The following ACSL4 variants were observed in gnomAD, a reference collection of about 807,000 sequenced individuals.
The protein encoded by ACSL4 is long-chain-fatty-acid--CoA ligase 4.
Under a neutral mutation model 49.1 loss-of-function variants are expected in ACSL4, and 9 were observed. That is an observed-to-expected ratio of 0.18 (90% CI 0.11 to 0.32). ACSL4 has a LOEUF of 0.32. Ranked by LOEUF, ACSL4 falls within the 10% of genes least tolerant of loss-of-function variation. ACSL4 has a pLI of 1.00. For synonymous variants in ACSL4, 191 were observed against 170.3 expected, an observed-to-expected ratio of 1.12 and a Z score of -0.95; for missense variants, 333 against 493.7, an observed-to-expected ratio of 0.67 and a Z score of 3.08.
intron 15 of ACSL4, among the ~76,000 whole-genome samples, chrX:109,650,188 G>A (rs1224758033): frequency 5.1e-4 from 57 of 111,441 alleles, no homozygotes; most frequent in African/African-American, 1.7e-3. Flanking sequence ...TATATACCCA[G>A]AGGACTATAA....
rs1407013634 is a variant in ACSL4 at position 109,670,500 on chromosome X, G to C, written c.1003-1327C>G. ...CTAGGGAGGCTGAGGCAGGAGAATC[G>C]CTTGAACCCGGGAGGTGGAGGTTGC... On this transcript the variant is annotated intron_variant, in intron 9 of 15. Coordinates refer to ENST00000672401, the MANE Select transcript of ACSL4 (RefSeq NM_001318510.2). 3.7e-5 allele frequency among the ~76,000 whole-genome samples: 4 copies of C among 106,996 alleles called. No individual in the cohort carries two copies. In the South Asian group the frequency reaches 1.7e-3, roughly 46 times the overall value. 92.9% of individuals were successfully genotyped at this position (106,996 alleles called of 115,157 possible). A position where few individuals can be genotyped will look rare whatever the true frequency, so the allele number is the denominator to read the frequency against.
intron 2 of ACSL4, chrX:109,683,690 A>C: frequency 7.9e-6 from 3 of 381,782 alleles, no homozygotes; most frequent in Non-Finnish European, 9.0e-6. Flanking sequence ...CAATGAACCA[A>C]GCAGAGAGCA....
At chrX:109,686,035 G>A (rs1302323938) in intron 2 of ACSL4, among the ~76,000 whole-genome samples, 1 of 111,355 alleles carries the variant, frequency 9.0e-6, no homozygotes, top group Non-Finnish European at 1.9e-5. Context: ...GACAAGTCTG[G>A]TCATTCATTT....
At chrX:109,683,664 C>T (rs763809109) in intron 2 of ACSL4, 5 of 421,996 alleles carry the variant, frequency 1.2e-5, no homozygotes, top group East Asian at 1.1e-4. Context: ...CAATAAAGTA[C>T]GCCTGTAGGT....
chrX:109,660,176 A>T (rs1350027103), intron 14 of ACSL4, among the ~76,000 whole-genome samples: 1 of 110,475 alleles, frequency 9.1e-6, no homozygotes. Context: ...GAAAAAAAAA[A>T]TTTGCAAATC....
At chrX:109,661,690 T>C (rs1255981755) in intron 13 of ACSL4, 45 bp from the exon 14 acceptor site, 3 of 856,038 alleles carry the variant, frequency 3.5e-6, no homozygotes, top group African/African-American at 2.0e-5. Flanking sequence ...CTAAGGTATA[T>C]GCAATTCTGA....
chrX:109,727,510 G>A (rs181127940), intron 1 of ACSL4, among the ~76,000 whole-genome samples: 2 of 111,687 alleles, frequency 1.8e-5, no homozygotes, highest in South Asian at 3.7e-4. Flanking sequence ...AAAATCAACC[G>A]TCTCAACTCT....
chrX:109,710,002 G>A (rs1490513921), intron 1 of ACSL4, among the ~76,000 whole-genome samples: 1 of 111,849 alleles, frequency 8.9e-6, no homozygotes, highest in African/African-American at 3.3e-5. Context: ...CTACTCAGGA[G>A]GCTGAGGCAG....
intron 9 of ACSL4, among the ~76,000 whole-genome samples, chrX:109,670,760 G>C (rs1295491883): frequency 9.0e-6 from 1 of 111,500 alleles, no homozygotes; most frequent in Non-Finnish European, 1.9e-5. Flanking sequence ...CGAGTGCCTG[G>C]GATTGCAGGC....
At chrX:109,725,898 T>C (rs982068237) in intron 1 of ACSL4, among the ~76,000 whole-genome samples, 3 of 111,528 alleles carry the variant, frequency 2.7e-5, no homozygotes, top group Non-Finnish European at 5.6e-5. Context: ...TTCATCATAA[T>C]GAATCTAATG....
intron 15 of ACSL4, among the ~76,000 whole-genome samples, chrX:109,656,785 G>A (rs1424110224): frequency 9.3e-6 from 1 of 107,648 alleles, no homozygotes; most frequent in Non-Finnish European, 1.9e-5. Context: ...GGAATCCCTC[G>A]TTGGGAAAAA....
intron 15 of ACSL4, among the ~76,000 whole-genome samples, chrX:109,652,237 T>C (rs1921207502): frequency 8.9e-6 from 1 of 112,169 alleles, no homozygotes; most frequent in Non-Finnish European, 1.9e-5. Context: ...ATTTCACACT[T>C]TTTTGCATAA....
chrX:109,643,996 C>A lies in ACSL4; in HGVS notation c.*33G>T. ...TAGAGGTTGAAAACCACCAGGCTAC[C>A]TCCTGCACAACTGTCAATAAGACAA... On this transcript the variant is annotated 3_prime_UTR_variant, in exon 16 of 16. Transcript: ENST00000672401. 4.1e-6 allele frequency: 5 copies of A among 1,207,153 alleles called. No homozygotes were observed. The highest frequency in any genetic ancestry group is 5.6e-6 in the Non-Finnish European group (5 of 891,517).
chrX:109,675,512 G>A (rs910991733), intron 8 of ACSL4, among the ~76,000 whole-genome samples: 1 of 111,605 alleles, frequency 9.0e-6, no homozygotes, highest in Non-Finnish European at 1.9e-5. Context: ...AAAAGTAGGT[G>A]TGAATTTTAC....
rs569103156 is a variant in ACSL4 at position 109,681,394 on chromosome X, C to T, written c.407-19G>A. Reference sequence around the variant, plus strand: ...GTCACAACTACATAATAAAAATAAACACAAATATTAAGTAATAAACATCTA... The same window carrying T: ...GTCACAACTACATAATAAAAATAAATACAAATATTAAGTAATAAACATCTA... On this transcript the variant is annotated intron_variant, in intron 4 of 15. Coordinates refer to ENST00000672401, the MANE Select transcript of ACSL4 (RefSeq NM_001318510.2). 3 of 1,067,353 alleles carry T rather than the reference C, an allele frequency of 2.8e-6. No homozygotes were observed. The highest frequency in any genetic ancestry group is 3.9e-6 in the Non-Finnish European group (3 of 767,948). 88.0% of individuals were successfully genotyped at this position (1,067,353 alleles called of 1,213,427 possible).
At chrX:109,665,068 T>C (rs935646197) in intron 12 of ACSL4, among the ~76,000 whole-genome samples, 1 of 111,434 alleles carries the variant, frequency 9.0e-6, no homozygotes, top group African/African-American at 3.3e-5. Flanking sequence ...GTGCAACCCA[T>C]CATTCTATCC....
intron 15 of ACSL4, among the ~76,000 whole-genome samples, chrX:109,658,855 G>A (rs1053053790): frequency 8.9e-6 from 1 of 111,774 alleles, no homozygotes; most frequent in Non-Finnish European, 1.9e-5. Flanking sequence ...AACTACATGA[G>A]AGCAAGAAAT....
chrX:109,725,635 C>A (rs895031189), intron 1 of ACSL4, among the ~76,000 whole-genome samples: 2 of 109,962 alleles, frequency 1.8e-5, no homozygotes, highest in African/African-American at 6.6e-5. Flanking sequence ...TGGTGGAGGG[C>A]GCCTGTAGTC....
intron 1 of ACSL4, among the ~76,000 whole-genome samples, chrX:109,716,482 C>G (rs1927128682): frequency 9.0e-6 from 1 of 111,721 alleles, no homozygotes; most frequent in South Asian, 3.7e-4. Context: ...AAGAAAAATG[C>G]AGAGTTGAAA....
Sources: gnomAD v4.1 joint callset for allele counts (sites outside exome capture counted in the v4.1 genomes callset) on GRCh38, gnomAD v4.1.1 for gene constraint, MANE v1.5 for transcripts, NCBI Gene and HGNC (gene_info 2026-07-23, HGNC 2026-07-21) for gene names.